The following CNTN5 variants were observed in gnomAD, a reference collection of about 807,000 sequenced individuals.
CNTN5 encodes contactin-5.
Under a neutral mutation model 129.1 loss-of-function variants are expected in CNTN5, and 77 were observed. The observed-to-expected ratio is 0.60, with a 90% CI of 0.50 to 0.72. The LOEUF is 0.72. CNTN5 is among the 30% of genes least tolerant of loss of function. CNTN5 has a pLI of 0.00. For missense variants in CNTN5, 1,478 were observed against 1,328.8 expected (o/e 1.11, Z -1.75); for synonymous variants, 509 against 465.6 (o/e 1.09, Z -1.20).
chr11:100,099,306 A>G (rs1334658500), intron 13 of CNTN5, among the ~76,000 whole-genome samples: 1 of 86,530 alleles, frequency 1.2e-5, no homozygotes, highest in African/African-American at 3.2e-5. Flanking sequence ...CATTTCAGGC[A>G]AACTGGGGTG....
intron 6 of CNTN5, among the ~76,000 whole-genome samples, chr11:99,876,248 T>G (rs1387246513): frequency 6.6e-6 from 1 of 152,148 alleles, no homozygotes. Flanking sequence ...TGGAACCCCA[T>G]GGCTTCAAAT....
chr11:99,755,444 T>A (rs1168195267), intron 3 of CNTN5, among the ~76,000 whole-genome samples: 2 of 152,168 alleles, frequency 1.3e-5, no homozygotes, highest in Non-Finnish European at 2.9e-5. Context: ...TTGCGTCCCA[T>A]TGTTGTTTTA....
chr11:99,023,009 T>C (rs930826184), intron 1 of CNTN5, among the ~76,000 whole-genome samples: 1 of 152,204 alleles, frequency 6.6e-6, no homozygotes, highest in East Asian at 1.9e-4. Flanking sequence ...TGCCGGACTT[T>C]GTCTATAAGT....
chr11:99,272,215 G>A (rs963372328), intron 1 of CNTN5, among the ~76,000 whole-genome samples: 5 of 151,722 alleles, frequency 3.3e-5, no homozygotes, highest in Admixed American at 2.6e-4. Context: ...GTTGGTCCAA[G>A]AATGTATGCT....
intron 6 of CNTN5, among the ~76,000 whole-genome samples, chr11:99,848,727 A>G (rs1947780780): frequency 1.3e-5 from 2 of 152,126 alleles, no homozygotes; most frequent in Non-Finnish European, 2.9e-5. Context: ...TTTACACTTT[A>G]ATTTTATCAT....
At chr11:99,298,911 C>A (rs1307832272) in intron 1 of CNTN5, among the ~76,000 whole-genome samples, 1 of 152,122 alleles carries the variant, frequency 6.6e-6, no homozygotes, top group Non-Finnish European at 1.5e-5. Context: ...CTCTCCTCCA[C>A]ACAAAAACAT....
chr11:99,889,324 G>GTGTGTT (rs1555147169), intron 6 of CNTN5, among the ~76,000 whole-genome samples: 5 of 26,250 alleles, frequency 1.9e-4, no homozygotes, highest in African/African-American at 5.2e-4. Flanking sequence ...GTGTGTGTGT[G>GTGTGTT]TGTGTGTGTG....
At chr11:100,340,036 C>G (rs940700197) in intron 21 of CNTN5, among the ~76,000 whole-genome samples, 8 of 152,134 alleles carry the variant, frequency 5.3e-5, no homozygotes, top group Non-Finnish European at 1.2e-4. Flanking sequence ...TGTGATTCAT[C>G]TTTATGTGAA....
At chr11:100,040,321 C>G (rs1942295602) in intron 9 of CNTN5, among the ~76,000 whole-genome samples, 1 of 152,144 alleles carries the variant, frequency 6.6e-6, no homozygotes, top group Admixed American at 6.5e-5. Flanking sequence ...CCTGATCGTT[C>G]CTCTGGAAGT....
chr11:100,118,213 T>G (rs2138149676), intron 13 of CNTN5, among the ~76,000 whole-genome samples: 1 of 152,012 alleles, frequency 6.6e-6, no homozygotes, highest in Non-Finnish European at 1.5e-5. Flanking sequence ...TTAAATTTAC[T>G]TTTTAATAAC....
At chr11:100,269,956 A>C (rs1950378431) in intron 17 of CNTN5, among the ~76,000 whole-genome samples, 1 of 152,136 alleles carries the variant, frequency 6.6e-6, no homozygotes. Context: ...ATAGCTCGGC[A>C]TTTCACCAAG....
chr11:100,063,706 T>TAAAAAAAAAAAAAAAAAAAAAAAA (rs35896237), intron 10 of CNTN5, among the ~76,000 whole-genome samples: 1 of 115,284 alleles, frequency 8.7e-6, no homozygotes, highest in Non-Finnish European at 1.8e-5. Context: ...AACCTGTCTC[T>TAAAAAAAAAAAAAAAAAAAAAAAA]AAAAAAAAAA....
chr11:99,142,676 G>T (rs1859579722), intron 1 of CNTN5, among the ~76,000 whole-genome samples: 1 of 152,046 alleles, frequency 6.6e-6, no homozygotes, highest in Non-Finnish European at 1.5e-5. Context: ...AGCCCCTAAA[G>T]GAGCATGTTG....
chr11:99,990,357 T>G (rs1405039912), intron 8 of CNTN5, among the ~76,000 whole-genome samples: 2 of 151,754 alleles, frequency 1.3e-5, no homozygotes, highest in East Asian at 3.9e-4. Flanking sequence ...ATTTATTGGC[T>G]TCCCTTATTT....
chr11:100,126,045 A>C (rs1037891042), intron 13 of CNTN5, among the ~76,000 whole-genome samples: 9 of 151,978 alleles, frequency 5.9e-5, no homozygotes, highest in Non-Finnish European at 1.3e-4. Context: ...TTTCTGCCTT[A>C]ATTTTGTTGT....
chr11:100,142,122 C>A (rs913823723), intron 13 of CNTN5, among the ~76,000 whole-genome samples: 4 of 152,148 alleles, frequency 2.6e-5, no homozygotes, highest in African/African-American at 4.8e-5. Flanking sequence ...AGTTCTCAGG[C>A]TTTCCCCTCA....
intron 1 of CNTN5, among the ~76,000 whole-genome samples, chr11:99,051,503 C>T (rs1336360432): frequency 6.6e-6 from 1 of 151,856 alleles, no homozygotes; most frequent in Non-Finnish European, 1.5e-5. Flanking sequence ...CAAAAATCAC[C>T]AAGGGGACTT....
intron 3 of CNTN5, among the ~76,000 whole-genome samples, chr11:99,664,221 CATG>C (rs1191113683): frequency 6.6e-6 from 1 of 152,140 alleles, no homozygotes; most frequent in East Asian, 1.9e-4. Flanking sequence ...TTTATGAAGA[CATG>C]ATGACATTCC....
chr11:99,051,029 G>C (rs1421063640), intron 1 of CNTN5, among the ~76,000 whole-genome samples: 1 of 151,782 alleles, frequency 6.6e-6, no homozygotes, highest in Non-Finnish European at 1.5e-5. Flanking sequence ...TATTTGAGTT[G>C]TATCAGCCTC....
Sources: gnomAD v4.1 joint callset for allele counts (sites outside exome capture counted in the v4.1 genomes callset) on GRCh38, gnomAD v4.1.1 for gene constraint, MANE v1.5 for transcripts, NCBI Gene and HGNC (gene_info 2026-07-23, HGNC 2026-07-21) for gene names.